Variants in GPR158 observed in about 807,000 individuals in gnomAD.
GPR158 encodes G protein-coupled receptor 158, also known as metabotropic glycine receptor.
In GPR158, 30 loss-of-function variants were observed where a neutral mutation model predicts 78.2. The observed-to-expected ratio is 0.38, with a 90% confidence interval of 0.29 to 0.52. The LOEUF (loss-of-function observed/expected upper bound fraction) is 0.52, where lower values mean the gene tolerates loss of function less well. Among genes scored for constraint, GPR158 ranks in the 20% least tolerant of loss-of-function variants. GPR158 has a pLI of 0.83. For missense variants in GPR158, 1,463 were observed against 1,523.5 expected (o/e 0.96, Z 0.66); for synonymous variants, 581 against 591.1 (o/e 0.98, Z 0.25).
At chr10:25,219,130 T>C (rs964391147) in intron 1 of GPR158, among the ~76,000 whole-genome samples, 2 of 152,228 alleles carry the variant, frequency 1.3e-5, no homozygotes, top group African/African-American at 4.8e-5. Context: ...AAAGTTCTGA[T>C]AGTGAAAGCA....
At chr10:25,216,589 T>C (rs868528990) in intron 1 of GPR158, among the ~76,000 whole-genome samples, 8 of 152,214 alleles carry the variant, frequency 5.3e-5, no homozygotes, top group African/African-American at 1.2e-4. Flanking sequence ...AAAAAAGATA[T>C]AGACCATGGA....
rs199736314 is a variant in GPR158 at position 25,322,059 on chromosome 10, TA to T, written c.1009-73851del. On this transcript the variant is annotated intron_variant, in intron 2 of 10. Coordinates refer to ENST00000376351, the MANE Select transcript of GPR158 (RefSeq NM_020752.3). ...ATTTGAGTATATTCAGACCACGTTG[TA>T]GTTATATATTACTGGAGATTTCTTA... Among the ~76,000 whole-genome samples, 11 of 152,304 alleles carry T rather than the reference TA, an allele frequency of 7.2e-5. 1 individual carries two copies. The East Asian group carries it at 2.1e-3, about 29-fold the overall frequency.
chr10:25,475,189 G>A (rs974620257), intron 5 of GPR158, among the ~76,000 whole-genome samples: 1 of 151,948 alleles, frequency 6.6e-6, no homozygotes, highest in Non-Finnish European at 1.5e-5. Flanking sequence ...TACTTATGGT[G>A]ATAACAGATA....
At chr10:25,371,917 G>C (rs1419956829) in intron 2 of GPR158, among the ~76,000 whole-genome samples, 1 of 142,106 alleles carries the variant, frequency 7.0e-6, no homozygotes, top group African/African-American at 2.7e-5. Context: ...GAGTGAACAG[G>C]CAACCTACTA....
At chr10:25,177,774 C>T (rs1026245082) in intron 1 of GPR158, among the ~76,000 whole-genome samples, 3 of 152,186 alleles carry the variant, frequency 2.0e-5, no homozygotes, top group African/African-American at 7.2e-5. Context: ...ACCCCTTTGT[C>T]TGATTCTGTA....
rs529473662 is a variant in GPR158 at position 25,564,569 on chromosome 10, C to T, written c.1515-8080C>T. Among the ~76,000 whole-genome samples the T allele has an allele frequency of 2.0e-5, 3 of 152,260 alleles. No individual in the cohort carries two copies. In the South Asian group the frequency reaches 6.2e-4, roughly 32 times the overall value. ...ACAAAAGCAAGCCCTTTGAGTCAGTCTTTCAGGGATCCACCAACCAGGCCA... is the reference window on the plus strand; with the variant it reads ...ACAAAAGCAAGCCCTTTGAGTCAGTTTTTCAGGGATCCACCAACCAGGCCA... On this transcript the variant is annotated intron_variant, in intron 6 of 10. Coordinates refer to ENST00000376351, the MANE Select transcript of GPR158 (RefSeq NM_020752.3).
chr10:25,505,122 T>A (rs74124044), intron 5 of GPR158, among the ~76,000 whole-genome samples: 6,116 of 152,290 alleles, frequency 0.04, 421 homozygotes, highest in African/African-American at 0.14. Flanking sequence ...GCCTAACACA[T>A]AATAGACATT....
intron 1 of GPR158, among the ~76,000 whole-genome samples, chr10:25,205,550 G>A (rs1466123078): frequency 6.6e-6 from 1 of 151,738 alleles, no homozygotes; most frequent in Admixed American, 6.6e-5. Flanking sequence ...TTTTGGTGTG[G>A]GCAGTTAGCA....
intron 6 of GPR158, among the ~76,000 whole-genome samples, chr10:25,567,159 G>A (rs1438288692): frequency 1.3e-5 from 2 of 152,108 alleles, no homozygotes; most frequent in Admixed American, 1.3e-4. Flanking sequence ...AAATAGAAGA[G>A]ATACTGCAAA....
chr10:25,483,948 A>G (rs948041167), intron 5 of GPR158, among the ~76,000 whole-genome samples: 5 of 152,232 alleles, frequency 3.3e-5, no homozygotes, highest in Non-Finnish European at 7.3e-5. Context: ...AATTATACAC[A>G]TGCAGCACAC....
intron 1 of GPR158, among the ~76,000 whole-genome samples, chr10:25,177,072 G>T (rs949911928): frequency 1.3e-5 from 2 of 152,126 alleles, no homozygotes; most frequent in Non-Finnish European, 1.5e-5. Flanking sequence ...ACACTCACAT[G>T]ATTTATAAAA....
chr10:25,327,261 C>A (rs571791989), intron 2 of GPR158, among the ~76,000 whole-genome samples: 5 of 152,074 alleles, frequency 3.3e-5, no homozygotes, highest in Non-Finnish European at 4.4e-5. Context: ...AACACACACA[C>A]ACACACACAC....
At chr10:25,347,218 G>A (rs1240768419) in intron 2 of GPR158, among the ~76,000 whole-genome samples, 1 of 151,832 alleles carries the variant, frequency 6.6e-6, no homozygotes, top group Non-Finnish European at 1.5e-5. Context: ...CTAGCTTCTG[G>A]AGACCTCCTG....
intron 1 of GPR158, among the ~76,000 whole-genome samples, chr10:25,188,307 A>G (rs1293694237): frequency 6.6e-6 from 1 of 152,216 alleles, no homozygotes; most frequent in Non-Finnish European, 1.5e-5. Context: ...TGGAGCCAAA[A>G]AAGAGCCCAC....
At chr10:25,529,766 T>C (rs1836399182) in intron 5 of GPR158, among the ~76,000 whole-genome samples, 1 of 152,166 alleles carries the variant, frequency 6.6e-6, no homozygotes, top group South Asian at 2.1e-4. Context: ...ACAGCCTTTT[T>C]CATTCCTGGC....
At chr10:25,460,041 T>G (rs1026007409) in intron 4 of GPR158, among the ~76,000 whole-genome samples, 3 of 152,172 alleles carry the variant, frequency 2.0e-5, no homozygotes, top group Non-Finnish European at 4.4e-5. Context: ...AGCTTTATAT[T>G]CATCTGCAAA....
At chr10:25,274,570 A>T (rs190440837) in intron 2 of GPR158, among the ~76,000 whole-genome samples, 15 of 152,334 alleles carry the variant, frequency 9.8e-5, no homozygotes, top group Non-Finnish European at 2.1e-4. Flanking sequence ...GTGACAGCTG[A>T]AAAACAAATG....
At chr10:25,219,399 T>C (rs1037511604) in intron 1 of GPR158, among the ~76,000 whole-genome samples, 6 of 152,240 alleles carry the variant, frequency 3.9e-5, no homozygotes, top group Non-Finnish European at 8.8e-5. Flanking sequence ...TTAGGTTACT[T>C]GGAAATCCAT....
At chr10:25,328,889 T>C (rs990614724) in intron 2 of GPR158, among the ~76,000 whole-genome samples, 14 of 136,390 alleles carry the variant, frequency 1.0e-4, no homozygotes, top group African/African-American at 3.9e-4. Flanking sequence ...ATTGCGCCAT[T>C]GTGCTCCAGC....
Sources: gnomAD v4.1 joint callset for allele counts (sites outside exome capture counted in the v4.1 genomes callset) on GRCh38, gnomAD v4.1.1 for gene constraint, MANE v1.5 for transcripts, NCBI Gene and HGNC (gene_info 2026-07-23, HGNC 2026-07-21) for gene names.